The following EFHD1 variants were observed in gnomAD, a reference collection of about 807,000 sequenced individuals.
EFHD1 encodes the protein EF-hand domain family member D1.
Under a neutral mutation model 17.2 loss-of-function variants are expected in EFHD1, and 10 were observed. That is an observed-to-expected ratio of 0.58 (90% CI 0.36 to 0.99). The LOEUF is 0.99. EFHD1 is among the 50% of genes least tolerant of loss of function. The pLI, the probability that EFHD1 is intolerant of heterozygous loss-of-function variation, is 0.01. For synonymous variants in EFHD1, 153 were observed against 142.0 expected (o/e 1.08, Z -0.55); for missense variants, 310 against 327.5 (o/e 0.95, Z 0.41).
intron 1 of EFHD1, among the ~76,000 whole-genome samples, chr2:232,653,534 C>T (rs1355032377): frequency 6.6e-6 from 1 of 152,216 alleles, no homozygotes; most frequent in Non-Finnish European, 1.5e-5. Context: ...AAGTGATCCG[C>T]CCACCTCGGC....
At chr2:232,666,579 A>G (rs1186519525) in intron 2 of EFHD1, among the ~76,000 whole-genome samples, 1 of 152,194 alleles carries the variant, frequency 6.6e-6, no homozygotes, top group Non-Finnish European at 1.5e-5. Context: ...CCCTGAATCC[A>G]TGATGCTTGG....
intron 1 of EFHD1, among the ~76,000 whole-genome samples, chr2:232,654,206 C>CAA (rs929121448): frequency 7.3e-5 from 6 of 82,654 alleles, no homozygotes; most frequent in Admixed American, 1.4e-4. Flanking sequence ...GACTCCATCT[C>CAA]AAAAAAAAAA....
At chr2:232,613,467 G>A (rs571569502) in intron 1 of EFHD1, among the ~76,000 whole-genome samples, 2 of 152,108 alleles carry the variant, frequency 1.3e-5, no homozygotes, top group East Asian at 3.9e-4. Context: ...ACACAGAGAC[G>A]AAAATTTCCA....
At chr2:232,626,155 G>A (rs186080598) in intron 1 of EFHD1, among the ~76,000 whole-genome samples, 38 of 152,160 alleles carry the variant, frequency 2.5e-4, no homozygotes, top group Admixed American at 5.9e-4. Flanking sequence ...TCACAACACC[G>A]CACTCCAGCC....
upstream of EFHD1, chr2:232,633,454 C>T (rs1694241188): frequency 2.5e-6 from 3 of 1,222,858 alleles, no homozygotes; most frequent in Non-Finnish European, 3.1e-6. Flanking sequence ...CTCCGGGACG[C>T]GCAGACACCC....
chr2:232,616,177 G>A (rs1002707148), intron 1 of EFHD1, among the ~76,000 whole-genome samples: 1 of 152,144 alleles, frequency 6.6e-6, no homozygotes, highest in African/African-American at 2.4e-5. Context: ...TAGAGAAAAC[G>A]CAGTATTACT....
chr2:232,666,228 G>C (rs1357830998), intron 2 of EFHD1, among the ~76,000 whole-genome samples: 1 of 152,194 alleles, frequency 6.6e-6, no homozygotes, highest in African/African-American at 2.4e-5. Context: ...TTGCATGCCA[G>C]AGCCAAGGAG....
chr2:232,618,427 A>G (rs1693963799), intron 1 of EFHD1, among the ~76,000 whole-genome samples: 1 of 152,258 alleles, frequency 6.6e-6, no homozygotes, highest in Admixed American at 6.5e-5. Flanking sequence ...ATTAGTCATT[A>G]AGGAAATACA....
chr2:232,635,860 C>T (rs1367051416), intron 1 of EFHD1, among the ~76,000 whole-genome samples: 2 of 151,744 alleles, frequency 1.3e-5, no homozygotes, highest in Non-Finnish European at 2.9e-5. Context: ...AGTGTGTGGC[C>T]TGGGATCCCA....
At chr2:232,635,715 A>T (rs1297151559) in intron 1 of EFHD1, among the ~76,000 whole-genome samples, 1 of 152,008 alleles carries the variant, frequency 6.6e-6, no homozygotes, top group Admixed American at 6.6e-5. Context: ...GCTACTCGGG[A>T]GGCTGAGGTG....
At chr2:232,626,265 G>T (rs1694102273) in intron 1 of EFHD1, among the ~76,000 whole-genome samples, 2 of 152,062 alleles carry the variant, frequency 1.3e-5, no homozygotes, top group Admixed American at 1.3e-4. Flanking sequence ...AAATTTTGAG[G>T]CTGGGCATGT....
chr2:232,672,767 A>G (rs13009166), intron 3 of EFHD1, among the ~76,000 whole-genome samples: 101,605 of 152,084 alleles, frequency 0.67, 34,267 homozygotes, highest in East Asian at 0.93. Flanking sequence ...TGAGCCCTTC[A>G]TAGGTGGTAT....
chr2:232,657,006 C>G (rs376251039), intron 1 of EFHD1, among the ~76,000 whole-genome samples: 1 of 152,176 alleles, frequency 6.6e-6, no homozygotes, highest in Non-Finnish European at 1.5e-5. Flanking sequence ...TCTGAAACTC[C>G]TAGGCTCAAG....
At chr2:232,638,451 C>G in intron 1 of EFHD1, 1 of 471,118 alleles carries the variant, frequency 2.1e-6, no homozygotes, top group Non-Finnish European at 4.4e-6. Flanking sequence ...TGCCAGAGTC[C>G]CGCGTTACCA....
At chr2:232,646,078 C>T (rs1468083256) in intron 1 of EFHD1, among the ~76,000 whole-genome samples, 3 of 152,226 alleles carry the variant, frequency 2.0e-5, no homozygotes, top group East Asian at 3.8e-4. Context: ...TGCCTCAGAC[C>T]TGGCCTCCCC....
At chr2:232,614,027 CA>C in intron 1 of EFHD1, among the ~76,000 whole-genome samples, 1 of 143,482 alleles carries the variant, frequency 7.0e-6, no homozygotes, top group Non-Finnish European at 1.5e-5. Context: ...CACAAATACA[CA>C]CACAAACATA....
intron 1 of EFHD1, among the ~76,000 whole-genome samples, chr2:232,656,381 G>A (rs1221715882): frequency 6.6e-6 from 1 of 151,634 alleles, no homozygotes; most frequent in Non-Finnish European, 1.5e-5. Flanking sequence ...CTCAAAACCT[G>A]TGCTGGGAAA....
chr2:232,664,841 CT>C (rs1198610056), intron 2 of EFHD1, among the ~76,000 whole-genome samples: 1 of 150,210 alleles, frequency 6.7e-6, no homozygotes, highest in Admixed American at 6.6e-5. Context: ...TCTCGATCTC[CT>C]GACCTCGTGA....
Sources: allele counts gnomAD v4.1 joint callset (sites outside exome capture counted in the v4.1 genomes callset), GRCh38; gene constraint gnomAD v4.1.1; transcripts MANE v1.5; gene names NCBI Gene and HGNC (gene_info 2026-07-23, HGNC 2026-07-21).